CDH12: variants seen among roughly 807,000 people sequenced by gnomAD.
CDH12 encodes cadherin 12, also known as cadherin-12.
A neutral mutation model predicts 74.1 loss-of-function variants in CDH12; 41 were observed. That is an observed-to-expected ratio of 0.55 (90% CI 0.43 to 0.72). The LOEUF is 0.72. Among genes scored for constraint, CDH12 ranks in the 30% least tolerant of loss-of-function variants. The probability of loss-of-function intolerance (pLI) is 0.00; values close to 1 mark genes in which losing one functional copy is unlikely to be tolerated. For missense variants in CDH12, 945 were observed against 977.2 expected, an observed-to-expected ratio of 0.97 and a Z score of 0.44; for synonymous variants, 399 against 355.0, an observed-to-expected ratio of 1.12 and a Z score of -1.39.
chr5:21,841,889 G>C (rs997050179), intron 8 of CDH12, among the ~76,000 whole-genome samples: 4 of 149,634 alleles, frequency 2.7e-5, no homozygotes, highest in Non-Finnish European at 4.4e-5. Context: ...GGATAGCATT[G>C]GGAGATATAC....
At chr5:22,413,122 T>A (rs1375334480) in intron 2 of CDH12, among the ~76,000 whole-genome samples, 2 of 151,988 alleles carry the variant, frequency 1.3e-5, no homozygotes, top group African/African-American at 4.8e-5. Context: ...TGTTTACTAC[T>A]CCTGTCCAGT....
At chr5:22,680,073 A>G (rs985965246) in intron 1 of CDH12, among the ~76,000 whole-genome samples, 1 of 152,064 alleles carries the variant, frequency 6.6e-6, no homozygotes, top group African/African-American at 2.4e-5. Flanking sequence ...GGAAGGATAT[A>G]AACAATACAG....
chr5:22,610,631 AT>A (rs1737349055), intron 1 of CDH12, among the ~76,000 whole-genome samples: 1 of 151,542 alleles, frequency 6.6e-6, no homozygotes, highest in African/African-American at 2.4e-5. Flanking sequence ...AATCTCTCTC[AT>A]TTTTATAATT....
intron 1 of CDH12, among the ~76,000 whole-genome samples, chr5:22,745,860 C>T (rs935065254): frequency 4.6e-5 from 7 of 152,036 alleles, no homozygotes; most frequent in African/African-American, 1.7e-4. Flanking sequence ...AGCAAACCAC[C>T]ATGACACATG....
At chr5:22,431,997 G>A (rs1380344034) in intron 2 of CDH12, among the ~76,000 whole-genome samples, 1 of 152,080 alleles carries the variant, frequency 6.6e-6, no homozygotes, top group Admixed American at 6.6e-5. Context: ...ATACAGTAAT[G>A]CCCTAGGCGT....
intron 1 of CDH12, among the ~76,000 whole-genome samples, chr5:22,595,659 T>C (rs1477424820): frequency 1.3e-5 from 2 of 152,150 alleles, no homozygotes; most frequent in South Asian, 2.1e-4. Context: ...AAGAGGTTGG[T>C]TGGTTGGTTG....
At chr5:22,425,172 A>ATAT (rs1554039892) in intron 2 of CDH12, among the ~76,000 whole-genome samples, 2,716 of 83,082 alleles carry the variant, frequency 0.033, 63 homozygotes, top group African/African-American at 0.044. Context: ...TATATATATA[A>ATAT]ATATATATAT....
At position 21,872,127 on chromosome 5, in the gene CDH12, A is replaced by G. The variant is rs140638711; in HGVS notation, c.527-17337T>C. ...TGTACTTCTAAGATCAGAGCATCCA[A>G]TTTGGTTTTTCTCTGCTTAACACCC... On this transcript the variant is annotated intron_variant, in intron 6 of 14. Coordinates refer to ENST00000382254, the MANE Select transcript of CDH12 (RefSeq NM_004061.5). Among the ~76,000 whole-genome samples the G allele has an allele frequency of 2.2e-3, 328 of 151,736 alleles. 2 individuals are homozygous for G. Among genetic ancestry groups the G allele is most frequent in the Admixed American group, 0.013 (203 of 15,282 alleles).
At chr5:21,855,789 T>C (rs1041749507) in intron 6 of CDH12, among the ~76,000 whole-genome samples, 21 of 151,804 alleles carry the variant, frequency 1.4e-4, no homozygotes, top group Non-Finnish European at 2.2e-4. Flanking sequence ...CATTACTCAT[T>C]CAGCCTTTTC....
At chr5:22,822,112 A>G (rs1243638888) in intron 1 of CDH12, among the ~76,000 whole-genome samples, 1 of 152,228 alleles carries the variant, frequency 6.6e-6, no homozygotes, top group African/African-American at 2.4e-5. Context: ...GACAAATCTG[A>G]CAAAAACAAG....
At chr5:21,878,236 GGTTAGTAATT>G (rs1167957379) in intron 6 of CDH12, among the ~76,000 whole-genome samples, 1 of 152,064 alleles carries the variant, frequency 6.6e-6, no homozygotes, top group Non-Finnish European at 1.5e-5. Context: ...GTGGTATTTG[GGTTAGTAATT>G]GTTACAAAAA....
intron 5 of CDH12, among the ~76,000 whole-genome samples, chr5:21,995,283 G>C (rs1478107766): frequency 6.6e-6 from 1 of 151,592 alleles, no homozygotes. Context: ...AGTCTGGGCT[G>C]TTGATCTAGT....
chr5:22,040,824 C>CA (rs1027422080), intron 5 of CDH12, among the ~76,000 whole-genome samples: 3 of 151,736 alleles, frequency 2.0e-5, no homozygotes, highest in African/African-American at 7.3e-5. Flanking sequence ...ATAGTAGAAA[C>CA]AAAAAATGCT....
chr5:22,726,488 G>A (rs1039122490), intron 1 of CDH12, among the ~76,000 whole-genome samples: 1 of 151,732 alleles, frequency 6.6e-6, no homozygotes, highest in Non-Finnish European at 1.5e-5. Flanking sequence ...AAGTGTGATT[G>A]CTGGATAGTA....
At chr5:21,893,603 T>G (rs1011052092) in intron 6 of CDH12, among the ~76,000 whole-genome samples, 1 of 152,204 alleles carries the variant, frequency 6.6e-6, no homozygotes, top group Non-Finnish European at 1.5e-5. Context: ...AAATAAGAAC[T>G]TCAAGTATTC....
chr5:22,647,719 T>C (rs970981616), intron 1 of CDH12, among the ~76,000 whole-genome samples: 1 of 151,938 alleles, frequency 6.6e-6, no homozygotes, highest in East Asian at 1.9e-4. Flanking sequence ...CTTCAACATA[T>C]GAATTTTAGG....
At chr5:22,013,056 A>G (rs574954450) in intron 5 of CDH12, among the ~76,000 whole-genome samples, 237 of 151,558 alleles carry the variant, frequency 1.6e-3, no homozygotes, top group African/African-American at 5.6e-3. Context: ...TTATACGGAC[A>G]TGTCAAAACA....
chr5:21,945,584 TA>T, intron 6 of CDH12, among the ~76,000 whole-genome samples: 1 of 151,520 alleles, frequency 6.6e-6, no homozygotes, highest in Non-Finnish European at 1.5e-5. Flanking sequence ...AATAATGACA[TA>T]AGTTATAAAA....
rs182048813 is a variant in CDH12 at position 22,121,688 on chromosome 5, T to C, written c.-186-42826A>G. Among the ~76,000 whole-genome samples the C allele has an allele frequency of 8.9e-4, 135 of 152,304 alleles. 1 individual carries two copies. The highest frequency in any genetic ancestry group is 1.9e-3 in the Admixed American group (29 of 15,292). ...CTTAAACATTTGTGTATACATATTT[T>C]TGTGTATTCCTTTTTTCATATAAAG... On this transcript the variant is annotated intron_variant, in intron 4 of 14. Transcript: ENST00000382254.
Sources: gnomAD v4.1 joint callset for allele counts (sites outside exome capture counted in the v4.1 genomes callset) on GRCh38, gnomAD v4.1.1 for gene constraint, MANE v1.5 for transcripts, NCBI Gene and HGNC (gene_info 2026-07-23, HGNC 2026-07-21) for gene names.